Variants in ZNF461 observed in about 807,000 individuals in gnomAD.
ZNF461 encodes the protein zinc finger protein 461.
Under a neutral mutation model 18.3 loss-of-function variants are expected in ZNF461, and 16 were observed. The ratio of observed to expected loss-of-function variants is 0.88; its 90% confidence interval spans 0.59 to 1.33. The LOEUF (loss-of-function observed/expected upper bound fraction) is 1.33. Among genes scored for constraint, ZNF461 ranks in the 40% most tolerant of loss-of-function variants. ZNF461 has a pLI of 0.00. For missense variants in ZNF461, 595 were observed against 669.9 expected, an observed-to-expected ratio of 0.89 and a Z score of 1.23; for synonymous variants, 179 against 216.9, an observed-to-expected ratio of 0.83 and a Z score of 1.54.
chr19:36,647,358 G>T (rs1329895456), intron 4 of ZNF461, among the ~76,000 whole-genome samples: 1 of 152,074 alleles, frequency 6.6e-6, no homozygotes, highest in Non-Finnish European at 1.5e-5. Context: ...TGGCCAACAT[G>T]GTTAAACCCT....
At position 36,640,028 on chromosome 19, in the gene ZNF461, T is replaced by C. The variant is rs767746055; in HGVS notation, c.317A>G (p.Asp106Gly). The C allele has an allele frequency of 2.6e-5, 42 of 1,605,486 alleles. No individual in the cohort carries two copies. Among genetic ancestry groups the C allele is most frequent in the Middle Eastern group, 1.7e-4 (1 of 6,050 alleles). Residue 106 changes from aspartate (D) to glycine (G), a missense_variant, in exon 6 of 6, where the codon GAT becomes GGT. Transcript: ENST00000588268. Reference protein sequence around the residue: ...TDINADLASRDEPQKLSPKRD... With the variant: ...TDINADLASRGEPQKLSPKRD... The stretch of plus-strand genomic sequence containing the variant: ...TTTTGGAGATAACTTCTGGGGCTCA[T>C]CTCTGGATGCCAAGTCTGAAAGATA...
At chr19:36,651,103 C>T (rs1280971796) in intron 4 of ZNF461, among the ~76,000 whole-genome samples, 4 of 151,758 alleles carry the variant, frequency 2.6e-5, no homozygotes, top group Non-Finnish European at 5.9e-5. Context: ...TGGTGGCAGA[C>T]GCCTGTAGTG....
At chr19:36,650,725 G>A (rs1033332462) in intron 4 of ZNF461, among the ~76,000 whole-genome samples, 8 of 151,688 alleles carry the variant, frequency 5.3e-5, no homozygotes, top group Admixed American at 3.9e-4. Context: ...TGAATAAAAA[G>A]CATAATATAC....
At chr19:36,662,845 TGAA>T (rs1304537032) in intron 2 of ZNF461, among the ~76,000 whole-genome samples, 4 of 152,136 alleles carry the variant, frequency 2.6e-5, no homozygotes, top group African/African-American at 9.7e-5. Flanking sequence ...CTTGAAAGAA[TGAA>T]TATTAACAAT....
At chr19:36,661,108 T>G (rs561043354) in intron 2 of ZNF461, among the ~76,000 whole-genome samples, 1 of 151,958 alleles carries the variant, frequency 6.6e-6, no homozygotes, top group Non-Finnish European at 1.5e-5. Context: ...AGATCGCATC[T>G]CTACAAAAAA....
chr19:36,643,725 C>G, intron 5 of ZNF461, 69 bp downstream of exon 5: 4 of 1,415,874 alleles, frequency 2.8e-6, no homozygotes, highest in Non-Finnish European at 3.7e-6. Context: ...TAAACATGTA[C>G]TTTCAGAAAT....
At chr19:36,663,968 A>AT (rs990422715) in intron 2 of ZNF461, among the ~76,000 whole-genome samples, 2 of 152,064 alleles carry the variant, frequency 1.3e-5, no homozygotes, top group Admixed American at 6.6e-5. Context: ...TGTATGTGAT[A>AT]TTTTTTTCCC....
At chr19:36,644,423 C>T (rs867591508) in intron 4 of ZNF461, among the ~76,000 whole-genome samples, 11 of 151,620 alleles carry the variant, frequency 7.3e-5, no homozygotes, top group Admixed American at 7.2e-4. Context: ...CGTGAACCAC[C>T]GCATCTGGCT....
chr19:36,640,894 G>C (rs1348647423), intron 5 of ZNF461, among the ~76,000 whole-genome samples: 1 of 152,162 alleles, frequency 6.6e-6, no homozygotes. Flanking sequence ...GCTTCCCACA[G>C]AAATTTTAAA....
intron 5 of ZNF461, among the ~76,000 whole-genome samples, chr19:36,640,330 T>C (rs555524472): frequency 2.0e-5 from 3 of 152,318 alleles, no homozygotes; most frequent in Non-Finnish European, 4.4e-5. Flanking sequence ...TCAATCAGAA[T>C]CTAAGAGAGT....
At chr19:36,658,960 C>G (rs1467739782) in intron 2 of ZNF461, among the ~76,000 whole-genome samples, 1 of 152,186 alleles carries the variant, frequency 6.6e-6, no homozygotes, top group African/African-American at 2.4e-5. Context: ...GCGTAAAGGT[C>G]TGTGCCCCCT....
rs2037347855 is a variant in ZNF461, at chr19:36,638,798, T to G, written c.1547A>C (p.Gln516Pro). 1.2e-6 allele frequency: 2 copies of G among 1,614,040 alleles called. No homozygotes were observed. Among genetic ancestry groups the G allele is most frequent in the African/African-American group, 2.7e-5 (2 of 74,940 alleles). ...AGGTTTCTTTCCAGAATGAATTCTC[T>G]GATGGTGTGAGAAGCTTGAATGATA... ...FSYHSSFSHHQRIHSGKKPYQ... is the reference protein window; with the variant it reads ...FSYHSSFSHHPRIHSGKKPYQ... Residue 516 changes from glutamine to proline, a missense_variant, in exon 6 of 6, where the codon CAG becomes CCG. Coordinates refer to ENST00000588268, the MANE Select transcript of ZNF461 (RefSeq NM_153257.5).
intron 1 of ZNF461, among the ~76,000 whole-genome samples, chr19:36,666,161 C>T (rs1276125698): frequency 6.6e-6 from 1 of 150,916 alleles, no homozygotes; most frequent in Non-Finnish European, 1.5e-5. Flanking sequence ...ATGGCGCGAT[C>T]TCGGCTCACA....
intron 2 of ZNF461, among the ~76,000 whole-genome samples, chr19:36,663,054 A>G (rs565853136): frequency 2.1e-4 from 32 of 152,298 alleles, no homozygotes; most frequent in Non-Finnish European, 2.6e-4. Context: ...AGGTAATGCT[A>G]TGATATTCAA....
chr19:36,666,080 C>T (rs928151600), intron 1 of ZNF461, among the ~76,000 whole-genome samples: 2 of 148,532 alleles, frequency 1.3e-5, no homozygotes, highest in Admixed American at 6.8e-5. Context: ...CTGAGGATAA[C>T]GTGAATGTTT....
At chr19:36,653,752 G>A (rs535747572) in intron 4 of ZNF461, among the ~76,000 whole-genome samples, 3 of 152,152 alleles carry the variant, frequency 2.0e-5, no homozygotes, top group African/African-American at 7.2e-5. Context: ...CAACACGTGG[G>A]AATTATGGCA....
At chr19:36,645,867 C>G (rs2037517417) in intron 4 of ZNF461, among the ~76,000 whole-genome samples, 2 of 152,168 alleles carry the variant, frequency 1.3e-5, no homozygotes, top group African/African-American at 4.8e-5. Flanking sequence ...TAACTGCAAC[C>G]TCCACCACCC....
At chr19:36,660,441 C>T (rs941094213) in intron 2 of ZNF461, among the ~76,000 whole-genome samples, 4 of 151,998 alleles carry the variant, frequency 2.6e-5, no homozygotes, top group African/African-American at 7.2e-5. Flanking sequence ...TGAGCCACTG[C>T]ACCTGGGCCC....
At position 36,638,966 on chromosome 19, in the gene ZNF461, T is replaced by C. The variant is rs752496308; in HGVS notation, c.1379A>G (p.Gln460Arg). The change falls in exon 6 of 6, where the codon CAG (glutamine) becomes CGG (arginine). Residue 460 changes from glutamine to arginine, a missense_variant. Coordinates refer to ENST00000588268, the MANE Select transcript of ZNF461 (RefSeq NM_153257.5). ...AGGTTTCTCACCAGTATGAATTCTC[T>C]GATGTCTTTTGAGGTGTGAACACTG... ...FRQCSHLKRH[Q>R]RIHTGEKPHE... The C allele has an allele frequency of 1.2e-5, 19 of 1,614,180 alleles. 1 individual carries two copies. The South Asian group carries it at 2.0e-4, about 17-fold the overall frequency.
Sources: gnomAD v4.1 joint callset for allele counts (sites outside exome capture counted in the v4.1 genomes callset) on GRCh38, gnomAD v4.1.1 for gene constraint, MANE v1.5 for transcripts, NCBI Gene and HGNC (gene_info 2026-07-23, HGNC 2026-07-21) for gene names.